The following KLF12 variants were observed in gnomAD, a reference collection of about 807,000 sequenced individuals.
KLF12 encodes KLF transcription factor 12.
Under a neutral mutation model 37.8 loss-of-function variants are expected in KLF12, and 9 were observed. The ratio of observed to expected loss-of-function variants is 0.24; its 90% CI spans 0.14 to 0.42. The LOEUF (loss-of-function observed/expected upper bound fraction) is 0.42. KLF12 is among the 10% of genes least tolerant of loss of function. The pLI is 1.00. For missense variants in KLF12, 411 were observed against 516.0 expected (o/e 0.80, Z 1.97); for synonymous variants, 208 against 202.1 (o/e 1.03, Z -0.25).
intron 5 of KLF12, among the ~76,000 whole-genome samples, chr13:73,810,948 A>G (rs1882893478): frequency 6.9e-6 from 1 of 144,002 alleles, no homozygotes. Context: ...CACAAGTAAG[A>G]GATAAACAAT....
At chr13:74,278,463 C>T in the KLF12 span, among the ~76,000 whole-genome samples, 2 of 152,186 alleles carry the variant, frequency 1.3e-5, no homozygotes, top group Non-Finnish European at 2.9e-5. Flanking sequence ...AACTCTCTTT[C>T]CTTCTTCCAC....
Position 74,032,590 on chromosome 13 carries a change from C to G in KLF12, c.-31-37537G>C, listed in dbSNP as rs139173428. On this transcript the variant is annotated intron_variant, in intron 1 of 7. Transcript: ENST00000377669. The stretch of plus-strand genomic sequence containing the variant: ...CGCTTGCTTTCTCCATGTATCTTCT[C>G]TATGACACATGAGTATTATTCAACC... 1.2e-4 allele frequency among the ~76,000 whole-genome samples: 19 copies of G among 152,294 alleles called. 1 individual carries two copies. The highest frequency in any genetic ancestry group is 1.2e-3 in the Admixed American group (19 of 15,294).
intron 4 of KLF12, among the ~76,000 whole-genome samples, chr13:73,841,645 G>C (rs186578110): frequency 2.6e-5 from 4 of 152,062 alleles, no homozygotes; most frequent in African/African-American, 9.7e-5. Context: ...TTTAGGGTTC[G>C]GTTTATAAAT....
chr13:74,069,798 T>C (rs1322255375), intron 1 of KLF12, among the ~76,000 whole-genome samples: 2 of 151,454 alleles, frequency 1.3e-5, no homozygotes, highest in Non-Finnish European at 2.9e-5. Context: ...GTGAAAAGAG[T>C]GAAGGATAAT....
chr13:74,084,660 G>T (rs918007579), intron 1 of KLF12, among the ~76,000 whole-genome samples: 1 of 152,132 alleles, frequency 6.6e-6, no homozygotes, highest in African/African-American at 2.4e-5. Context: ...ACAGTGTTCC[G>T]TTTGAGCTTT....
chr13:73,797,607 A>G (rs1442852147), intron 5 of KLF12, among the ~76,000 whole-genome samples: 2 of 151,936 alleles, frequency 1.3e-5, no homozygotes, highest in Admixed American at 6.6e-5. Context: ...CCATTTCTAC[A>G]AAAATTTAAA....
At chr13:74,045,849 T>C (rs1275083777) in intron 1 of KLF12, among the ~76,000 whole-genome samples, 1 of 152,232 alleles carries the variant, frequency 6.6e-6, no homozygotes, top group Non-Finnish European at 1.5e-5. Context: ...GTTCCTGCCC[T>C]GCGCTCCAAG....
chr13:73,979,354 AACACACACACACACACACAC>A (rs71115629), intron 2 of KLF12, among the ~76,000 whole-genome samples: 3 of 139,704 alleles, frequency 2.1e-5, no homozygotes, highest in South Asian at 2.4e-4. Context: ...TCTGCTTTTA[AACACACACACACACACACAC>A]ACACACACAC....
At chr13:74,066,421 G>A (rs1265342603) in intron 1 of KLF12, among the ~76,000 whole-genome samples, 1 of 152,068 alleles carries the variant, frequency 6.6e-6, no homozygotes, top group East Asian at 1.9e-4. Flanking sequence ...CAACACTTTG[G>A]GAGGCTGAGG....
chr13:74,035,544 G>C (rs1379007589), intron 1 of KLF12, among the ~76,000 whole-genome samples: 1 of 152,132 alleles, frequency 6.6e-6, no homozygotes, highest in Non-Finnish European at 1.5e-5. Context: ...GTTCTCATTT[G>C]TTTGTTTTTA....
chr13:73,749,000 CA>C (rs1252481690), intron 6 of KLF12, among the ~76,000 whole-genome samples: 3 of 152,054 alleles, frequency 2.0e-5, no homozygotes, highest in Non-Finnish European at 4.4e-5. Context: ...CCTCTGTGGC[CA>C]ATTAACACTC....
intron 2 of KLF12, among the ~76,000 whole-genome samples, chr13:73,981,823 G>A (rs1566492504): frequency 6.6e-6 from 1 of 152,120 alleles, no homozygotes; most frequent in Non-Finnish European, 1.5e-5. Context: ...ATCTGCTGGA[G>A]AGTTCATCTC....
intron 3 of KLF12, among the ~76,000 whole-genome samples, chr13:73,859,660 T>C (rs1174232146): frequency 1.3e-5 from 2 of 152,214 alleles, no homozygotes; most frequent in Non-Finnish European, 2.9e-5. Context: ...ATTTCTTATT[T>C]AGTTCCCGTT....
At chr13:74,252,468 A>C in the KLF12 span, among the ~76,000 whole-genome samples, 1 of 152,144 alleles carries the variant, frequency 6.6e-6, no homozygotes, top group Admixed American at 6.5e-5. Flanking sequence ...TGACCCTATC[A>C]CTGTCACTAA....
At chr13:73,830,555 G>A (rs1209351725) in intron 4 of KLF12, among the ~76,000 whole-genome samples, 1 of 152,122 alleles carries the variant, frequency 6.6e-6, no homozygotes, top group African/African-American at 2.4e-5. Context: ...ATGTTATAAT[G>A]ATTATTAGCT....
At chr13:74,141,028 G>T in the KLF12 span, among the ~76,000 whole-genome samples, 3 of 151,984 alleles carry the variant, frequency 2.0e-5, no homozygotes, top group Non-Finnish European at 4.4e-5. Context: ...TGGTGCCACC[G>T]CACTCCAGCC....
At chr13:74,034,507 C>A (rs1474908586) in intron 1 of KLF12, among the ~76,000 whole-genome samples, 1 of 152,066 alleles carries the variant, frequency 6.6e-6, no homozygotes, top group African/African-American at 2.4e-5. Context: ...TGGTTTTTAC[C>A]ACTTTATAGT....
chr13:73,870,708 T>A (rs55790135), intron 3 of KLF12, among the ~76,000 whole-genome samples: 1 of 151,976 alleles, frequency 6.6e-6, no homozygotes, highest in South Asian at 2.1e-4. Context: ...AAAGTGGAAA[T>A]TGGGGTGGAG....
intron 3 of KLF12, among the ~76,000 whole-genome samples, chr13:73,866,712 C>T (rs1469000275): frequency 6.6e-6 from 1 of 151,754 alleles, no homozygotes; most frequent in East Asian, 1.9e-4. Context: ...TTTCTTCAGG[C>T]CCAAGGAAAA....
Sources: gnomAD v4.1 joint callset for allele counts (sites outside exome capture counted in the v4.1 genomes callset) on GRCh38, gnomAD v4.1.1 for gene constraint, MANE v1.5 for transcripts, NCBI Gene and HGNC (gene_info 2026-07-23, HGNC 2026-07-21) for gene names.